NFKB2: variants seen among roughly 807,000 people sequenced by gnomAD.
NFKB2 encodes the protein nuclear factor NF-kappa-B p100 subunit.
A neutral mutation model predicts 109.3 loss-of-function variants in NFKB2; 21 were observed. The observed-to-expected ratio is 0.19, with a 90% CI of 0.14 to 0.28. NFKB2 has a LOEUF of 0.28. Among genes scored for constraint, NFKB2 ranks in the 10% least tolerant of loss-of-function variants. The pLI, the probability that NFKB2 is intolerant of heterozygous loss-of-function variation, is 1.00. For missense variants in NFKB2, 806 were observed against 1,185.3 expected (o/e 0.68, Z 4.70); for synonymous variants, 478 against 489.9 (o/e 0.98, Z 0.32).
chr10:102,399,304 C>A lies in NFKB2; in HGVS notation c.1134C>A (p.Phe378Leu). The change falls in exon 13 of 23, where the codon TTC becomes TTA. Residue 378 changes from phenylalanine (F) to leucine (L), a missense_variant. Coordinates refer to ENST00000661543, the MANE Select transcript of NFKB2 (RefSeq NM_001322934.2). Reference sequence around the variant, plus strand: ...TATCCACAGGTGGCAGCCTCGGTTTCTTCCCCTCCTCCCTGGCCTACAGCC... The same window carrying A: ...TATCCACAGGTGGCAGCCTCGGTTTATTCCCCTCCTCCCTGGCCTACAGCC... ...GGAGGGGSLG[F>L]FPSSLAYSPY... The A allele has an allele frequency of 6.3e-7, 1 of 1,598,934 alleles. No individual in the cohort carries two copies. The highest frequency in any genetic ancestry group is 1.1e-5 in the South Asian group (1 of 88,442).
Position 102,396,160 on chromosome 10 carries a change from G to C in NFKB2, c.22-93G>C, listed in dbSNP as rs1037624530. ...AGCTTTCTCTTGGGTCTGAGGAGGA[G>C]GGGGGAGTGACCACTGAAGACTTGG... On this transcript the variant is annotated intron_variant, in intron 2 of 22. Coordinates refer to ENST00000661543, the MANE Select transcript of NFKB2 (RefSeq NM_001322934.2). The surrounding 1 kb of genome is among the most constrained non-coding windows in gnomAD (Gnocchi z 5.9). 7.5e-6 allele frequency: 11 copies of C among 1,469,786 alleles called. No individual in the cohort carries two copies. In the Admixed American group the frequency reaches 1.9e-4, roughly 26 times the overall value. The allele number at this position is 1,469,786 out of a possible 1,614,324, so 91.0% of individuals were successfully genotyped here.
Position 102,395,730 on chromosome 10 carries a change from A to C in NFKB2, c.-139A>C, listed in dbSNP as rs1264999409. ...AACTTTCCTGCCCCTTCCCCGGCCA[A>C]GCCCAACTCCGGATCTCGCTCTCCA... On this transcript the variant is annotated 5_prime_UTR_variant, in exon 1 of 23. Coordinates refer to ENST00000661543, the MANE Select transcript of NFKB2 (RefSeq NM_001322934.2). 1 of 595,892 alleles carries C rather than the reference A, an allele frequency of 1.7e-6. No homozygotes were observed. Among genetic ancestry groups the C allele is most frequent in the Non-Finnish European group, 3.0e-6 (1 of 333,136 alleles). 36.9% of individuals were successfully genotyped at this position (595,892 alleles called of 1,614,324 possible).
intron 12 of NFKB2, chr10:102,399,067 G>GA: frequency 1.4e-6 from 1 of 723,608 alleles, no homozygotes. Context: ...ACAAACATTA[G>GA]CTGGGCATGG....
Position 102,397,757 on chromosome 10 carries a change from C to T in NFKB2, c.661+72C>T. On this transcript the variant is annotated intron_variant, in intron 8 of 22. Transcript: ENST00000661543. This position sits in a 1 kb window ranked among gnomAD's most constrained non-coding sequence, Gnocchi z 4.7. The stretch of plus-strand genomic sequence containing the variant: ...GCATGAGGGGTGACCTCAAGCTGTG[C>T]AGTCAAACAGACCCAGGTTTCAGAA... 1.3e-6 allele frequency: 2 copies of T among 1,536,824 alleles called. No homozygotes were observed. Among genetic ancestry groups the T allele is most frequent in the Non-Finnish European group, 1.8e-6 (2 of 1,130,316 alleles).
Position 102,399,641 on chromosome 10 carries a change from C to T in NFKB2, c.1392C>T (p.Tyr464=), listed in dbSNP as rs2061190004. 4 of 1,539,560 alleles carry T rather than the reference C, an allele frequency of 2.6e-6. No individual in the cohort carries two copies. Among genetic ancestry groups the T allele is most frequent in the Admixed American group, 4.0e-5 (2 of 49,684 alleles). The change falls in exon 14 of 23, where the codon TAC becomes TAT. Residue 464 remains tyrosine, a synonymous_variant. Transcript: ENST00000661543. ...AQRSARALLD[Y]GVTADARALL... ...GCAGCGCCCGAGCCCTACTCGACTA[C>T]GGCGTCACCGCGGACGCGCGCGCGC...
Position 102,400,172 on chromosome 10 carries a change from A to G in NFKB2, c.1562A>G (p.Asn521Ser), listed in dbSNP as rs201576770. The change falls in exon 15 of 23, where the codon AAC becomes AGC. Residue 521 changes from asparagine to serine, a missense_variant. Asn to Ser is a conservative substitution (Grantham distance 46). Transcript: ENST00000661543. This position sits in a 1 kb window ranked among gnomAD's most constrained non-coding sequence, Gnocchi z 6.3. ...IHHAQDLGVV[N>S]LTNHLHQTPL... is the part of the protein sequence containing the mutation. ...CACGCCCAGGACCTCGGCGTTGTCAACCTCACCAACCACCTGCACCAGGTG... is the reference window on the plus strand; with the variant it reads ...CACGCCCAGGACCTCGGCGTTGTCAGCCTCACCAACCACCTGCACCAGGTG... The G allele has an allele frequency of 9.3e-6, 15 of 1,614,088 alleles. No individual in the cohort carries two copies. The highest frequency in any genetic ancestry group is 1.3e-5 in the African/African-American group (1 of 75,022).
In NFKB2 at chr10:102,398,352, C is replaced by T; in HGVS notation, c.853-33C>T. The T allele has an allele frequency of 6.2e-7, 1 of 1,614,020 alleles. No individual in the cohort carries two copies. The highest frequency in any genetic ancestry group is 8.5e-7 in the Non-Finnish European group (1 of 1,179,958). On this transcript the variant is annotated intron_variant, in intron 10 of 22. Transcript: ENST00000661543. The surrounding 1 kb of genome is among the most constrained non-coding windows in gnomAD (Gnocchi z 6.6). The stretch of plus-strand genomic sequence containing the variant: ...TGGGGGCTAAATTAGGCTAAGGACT[C>T]ACTGACACCCTGTGTCTCCCTGCAC...
chr10:102,400,958 C>G lies in NFKB2; in HGVS notation c.1980C>G (p.Asn660Lys). Residue 660 changes from asparagine (N) to lysine (K), a missense_variant, in exon 18 of 23, where the codon AAC (asparagine) becomes AAG (lysine). Around this residue, in one of 10 missense-constraint regions of NFKB2, gnomAD observed 24 missense variants for 23.5 expected, o/e 1.02. Transcript: ENST00000661543. The surrounding 1 kb of genome is among the most constrained non-coding windows in gnomAD (Gnocchi z 6.3). Reference protein sequence around the residue: ...VTHLVTKLRANVNARTFAGNT... With the variant: ...VTHLVTKLRAKVNARTFAGNT... ...GCTCGCACCCCCAGCTCCGGGCCAA[C>G]GTGAACGCTCGCACCTTTGCGGGAA... The G allele has an allele frequency of 6.2e-7, 1 of 1,613,490 alleles. No individual in the cohort carries two copies. Among genetic ancestry groups the G allele is most frequent in the Middle Eastern group, 1.6e-4 (1 of 6,062 alleles).
rs1274114237 is a variant in NFKB2, at chr10:102,399,341, G to GGC, written c.1175_1176dup (p.Gly393ArgfsTer90). ...CCTGGCCTACAGCCCCTACCAGTCC[G>GGC]GCGCGGGCCCCATGGGCTGCTACCC... On this transcript the variant is annotated frameshift_variant, in exon 13 of 23. Transcript: ENST00000661543. LOFTEE classifies it high-confidence loss of function. 1 of 1,577,036 alleles carries GGC rather than the reference G, an allele frequency of 6.3e-7. No individual in the cohort carries two copies. The highest frequency in any genetic ancestry group is 8.6e-7 in the Non-Finnish European group (1 of 1,163,756).
rs1012328488 is a variant in NFKB2 at position 102,400,892 on chromosome 10, G to C, written c.1969-55G>C. On this transcript the variant is annotated intron_variant, in intron 17 of 22. Coordinates refer to ENST00000661543, the MANE Select transcript of NFKB2 (RefSeq NM_001322934.2). The surrounding 1 kb of genome is among the most constrained non-coding windows in gnomAD (Gnocchi z 6.3). ...GAGGGGCCAAAGATGGTGAAGGGGG[G>C]GGCTGGCCAAGGGGACCATGCTGTG... 2.5e-6 allele frequency: 4 copies of C among 1,583,548 alleles called. No individual in the cohort carries two copies. The highest frequency in any genetic ancestry group is 1.3e-5 in the African/African-American group (1 of 74,404).
At position 102,396,045 on chromosome 10, in the gene NFKB2, G is replaced by C; in HGVS notation, c.21+65G>C. 1 of 1,602,812 alleles carries C rather than the reference G, an allele frequency of 6.2e-7. No individual in the cohort carries two copies. Among genetic ancestry groups the C allele is most frequent in the South Asian group, 1.1e-5 (1 of 90,928 alleles). ...CTCGTGTCTGTCCACCTGTCTGCCC[G>C]AGCCCCCTCTGCTGCCTTACACCTG... On this transcript the variant is annotated intron_variant, in intron 2 of 22. Coordinates refer to ENST00000661543, the MANE Select transcript of NFKB2 (RefSeq NM_001322934.2). The surrounding 1 kb of genome is among the most constrained non-coding windows in gnomAD (Gnocchi z 5.9).
At chr10:102,394,799 G>C (rs564924315), upstream of NFKB2, 1 of 152,524 alleles carries the variant, frequency 6.6e-6, no homozygotes, top group South Asian at 2.1e-4. Flanking sequence ...ACCTGTGCTG[G>C]CGCACACACG....
chr10:102,399,964 T>C lies in NFKB2; in HGVS notation c.1470-116T>C, dbSNP rs1045946845. 6 of 1,176,950 alleles carry C rather than the reference T, an allele frequency of 5.1e-6. No homozygotes were observed. The African/African-American group carries it at 7.6e-5, about 15-fold the overall frequency. 72.9% of individuals were successfully genotyped at this position (1,176,950 alleles called of 1,614,324 possible). A position where few individuals can be genotyped will look rare whatever the true frequency, so the allele number is the denominator to read the frequency against. The stretch of plus-strand genomic sequence containing the variant: ...GTTAAGTGCAGGCACAGCGATGCCC[T>C]GGGCCACGTGCTGGGTTCCATGGGC... On this transcript the variant is annotated intron_variant, in intron 14 of 22. Transcript: ENST00000661543.
chr10:102,400,850 T>C lies in NFKB2; in HGVS notation c.1968+26T>C, dbSNP rs201053023. 16 of 1,529,826 alleles carry C rather than the reference T, an allele frequency of 1.0e-5. No homozygotes were observed. In the African/African-American group the frequency reaches 2.3e-4, roughly 22 times the overall value. The allele number at this position is 1,529,826 out of a possible 1,614,324, so 94.8% of individuals were successfully genotyped here. A position where few individuals can be genotyped will look rare whatever the true frequency, so the allele number is the denominator to read the frequency against. ...GTGGGACTGAGGATTGTGGAAGGAG[T>C]GGGGCCAAGGGTGGTGGAGGGGCCA... On this transcript the variant is annotated intron_variant, in intron 17 of 22. Transcript: ENST00000661543. The surrounding 1 kb of genome is among the most constrained non-coding windows in gnomAD (Gnocchi z 6.3).
Position 102,396,849 on chromosome 10 carries a change from G to T in NFKB2, c.243+26G>T. 1.9e-6 allele frequency: 3 copies of T among 1,603,998 alleles called. No individual in the cohort carries two copies. The highest frequency in any genetic ancestry group is 2.6e-6 in the Non-Finnish European group (3 of 1,171,468). ...GTGAGCCAGGATGGTGCTGGAGGGT[G>T]GGCTAAGTGGACAGCATGCCCAAGG... On this transcript the variant is annotated intron_variant, in intron 5 of 22. Coordinates refer to ENST00000661543, the MANE Select transcript of NFKB2 (RefSeq NM_001322934.2). The surrounding 1 kb of genome is among the most constrained non-coding windows in gnomAD (Gnocchi z 5.9).
upstream of NFKB2, among the ~76,000 whole-genome samples, chr10:102,395,101 T>TGGGGGGGGGG (rs11306069): frequency 4.9e-5 from 1 of 20,614 alleles, no homozygotes; most frequent in Non-Finnish European, 9.9e-5. Context: ...TTGTATTAGG[T>TGGGGGGGGGG]GGGGGGGGGG....
At position 102,402,323 on chromosome 10, in the gene NFKB2, CCT is replaced by C. The variant is rs2135443829; in HGVS notation, c.2651_2652del (p.Pro884ArgfsTer?). On this transcript the variant is annotated frameshift_variant, in exon 23 of 23. Coordinates refer to ENST00000661543, the MANE Select transcript of NFKB2 (RefSeq NM_001322934.2). LOFTEE classifies it high-confidence loss of function. ...GGAGGCAGAGAAGCTGGGCCCACCC[CCT>C]GAGCCACCAGGAGGGCTCTGCCACG... ...EQEAEKLGPP[P>X]EPPGGLCHGH... 6.4e-7 allele frequency: 1 copy of C among 1,570,310 alleles called. No homozygotes were observed. The highest frequency in any genetic ancestry group is 8.6e-7 in the Non-Finnish European group (1 of 1,157,974).
In NFKB2 at chr10:102,398,925, T is replaced by G. The variant is rs1297820197; in HGVS notation, c.1117+61T>G. The G allele has an allele frequency of 2.6e-6, 4 of 1,546,562 alleles. No individual in the cohort carries two copies. The highest frequency in any genetic ancestry group is 3.5e-6 in the Non-Finnish European group (4 of 1,142,544). ...AGAGAAGCTGTGGAGGAAAAAAATC[T>G]GGGGGAGGCCGGGCGTGGTGGCTCA... On this transcript the variant is annotated intron_variant, in intron 12 of 22. Coordinates refer to ENST00000661543, the MANE Select transcript of NFKB2 (RefSeq NM_001322934.2). This position sits in a 1 kb window ranked among gnomAD's most constrained non-coding sequence, Gnocchi z 6.6.
At chr10:102,402,228 A>G in intron 22 of NFKB2, 24 bp from the exon 23 acceptor site, 1 of 1,551,380 alleles carries the variant, frequency 6.4e-7, no homozygotes. Flanking sequence ...TGACTATCCC[A>G]TTCCTGTCCC....
Sources: gnomAD v4.1 joint callset for allele counts (sites outside exome capture counted in the v4.1 genomes callset) on GRCh38, gnomAD v4.1.1 for gene constraint, gnomAD v4.1.1 regional missense constraint, Gnocchi (gnomAD v3.1) non-coding constraint, MANE v1.5 for transcripts, NCBI Gene and HGNC (gene_info 2026-07-23, HGNC 2026-07-21) for gene names.